The following ABAT variants were observed in gnomAD, a reference collection of about 807,000 sequenced individuals.
ABAT encodes 4-aminobutyrate aminotransferase, mitochondrial.
In ABAT, 45 loss-of-function variants were observed where a neutral mutation model predicts 64.6. That is an observed-to-expected ratio of 0.70 (90% CI 0.55 to 0.89). The LOEUF (loss-of-function observed/expected upper bound fraction) is 0.89. Among genes scored for constraint, ABAT ranks in the 40% least tolerant of loss-of-function variants. The probability of loss-of-function intolerance (pLI) is 0.00; values close to 1 mark genes in which losing one functional copy is unlikely to be tolerated. For missense variants in ABAT, 633 were observed against 658.4 expected (o/e 0.96, Z 0.42); for synonymous variants, 297 against 250.5 (o/e 1.19, Z -1.75).
chr16:8,757,169 T>TTTTATTTA (rs34346487), intron 5 of ABAT: 124 of 452,306 alleles, frequency 2.7e-4, no homozygotes, highest in Non-Finnish European at 4.6e-4. Flanking sequence ...TTATCTCCCT[T>TTTTATTTA]TTTATTTATT....
At chr16:8,777,867 C>T (rs2060312191) in intron 14 of ABAT, among the ~76,000 whole-genome samples, 1 of 150,050 alleles carries the variant, frequency 6.7e-6, no homozygotes, top group South Asian at 2.1e-4. Flanking sequence ...AACCCCAGTA[C>T]TTAGGGAGGC....
At chr16:8,748,245 CTT>C in intron 4 of ABAT, 108 bp downstream of exon 4, 1 of 1,076,874 alleles carries the variant, frequency 9.3e-7, no homozygotes. Context: ...ATGTAGTTGA[CTT>C]TTGTTCTAAA....
chr16:8,724,219 G>C (rs1315360979), intron 1 of ABAT, among the ~76,000 whole-genome samples: 1 of 151,940 alleles, frequency 6.6e-6, no homozygotes, highest in African/African-American at 2.4e-5. Flanking sequence ...CTATTATGGT[G>C]CACATAACAG....
chr16:8,771,667 C>T (rs1250273440), intron 11 of ABAT, among the ~76,000 whole-genome samples: 1 of 151,786 alleles, frequency 6.6e-6, no homozygotes, highest in Non-Finnish European at 1.5e-5. Flanking sequence ...TGGGGTTTCA[C>T]CATGGTAGCC....
chr16:8,771,992 T>G (rs1205276197), intron 11 of ABAT, among the ~76,000 whole-genome samples: 1 of 152,074 alleles, frequency 6.6e-6, no homozygotes, highest in Non-Finnish European at 1.5e-5. Context: ...CTCAAACTCC[T>G]GGCCTCAAGG....
At chr16:8,706,281 A>C (rs2057940453) in intron 1 of ABAT, among the ~76,000 whole-genome samples, 1 of 151,066 alleles carries the variant, frequency 6.6e-6, no homozygotes, top group Non-Finnish European at 1.5e-5. Context: ...ATGGTGGCAC[A>C]CACCAGTAGT....
chr16:8,701,836 G>A (rs1454527277), intron 1 of ABAT, among the ~76,000 whole-genome samples: 2 of 151,972 alleles, frequency 1.3e-5, no homozygotes, highest in African/African-American at 4.8e-5. Context: ...GAGATTTTTG[G>A]GGAGTGGAAT....
chr16:8,771,165 C>A (rs923201205), intron 11 of ABAT, among the ~76,000 whole-genome samples: 1 of 151,932 alleles, frequency 6.6e-6, no homozygotes, highest in Non-Finnish European at 1.5e-5. Context: ...CATGGTGGTG[C>A]ATGCCTGTAA....
intron 6 of ABAT, among the ~76,000 whole-genome samples, chr16:8,758,174 G>A (rs947737204): frequency 6.6e-6 from 1 of 152,242 alleles, no homozygotes. Flanking sequence ...TGACAAGTCT[G>A]TGAAGCAGGT....
At chr16:8,747,987 T>G in intron 3 of ABAT, 121 bp from the exon 4 acceptor site, 3 of 893,550 alleles carry the variant, frequency 3.4e-6, no homozygotes, top group Non-Finnish European at 5.4e-6. Flanking sequence ...GGTTGACTAA[T>G]AAAATATTTA....
chr16:8,762,618 C>T lies in ABAT; in HGVS notation c.367-1451C>T, dbSNP rs757505299. Among the ~76,000 whole-genome samples the T allele has an allele frequency of 1.2e-4, 18 of 152,352 alleles. No individual in the cohort carries two copies. In the East Asian group the frequency reaches 1.3e-3, roughly 11 times the overall value. ...CAGATATCTTCTGTTCTTAATGTCA[C>T]GCTTTCTCGAGCAAGAACATCACCC... On this transcript the variant is annotated intron_variant, in intron 6 of 15. Coordinates refer to ENST00000268251, the MANE Select transcript of ABAT (RefSeq NM_020686.6).
intron 5 of ABAT, among the ~76,000 whole-genome samples, chr16:8,751,168 A>G (rs929090110): frequency 1.1e-4 from 16 of 151,964 alleles, no homozygotes; most frequent in Admixed American, 3.3e-4. Flanking sequence ...AGGGTAGTCT[A>G]GAACTCCTGA....
At chr16:8,681,134 C>G (rs1473674632) in intron 1 of ABAT, among the ~76,000 whole-genome samples, 1 of 151,934 alleles carries the variant, frequency 6.6e-6, no homozygotes, top group Non-Finnish European at 1.5e-5. Flanking sequence ...GGTGCCACCA[C>G]ACCTGGCTAA....
At chr16:8,756,798 A>T (rs1235854910) in intron 5 of ABAT, among the ~76,000 whole-genome samples, 2 of 152,232 alleles carry the variant, frequency 1.3e-5, no homozygotes, top group Non-Finnish European at 2.9e-5. Context: ...TTGAGATATG[A>T]GAGTGTCACA....
intron 1 of ABAT, chr16:8,715,083 A>G (rs1362044457): frequency 2.0e-5 from 3 of 152,252 alleles, no homozygotes; most frequent in African/African-American, 7.2e-5. Context: ...ACCCTCTGAC[A>G]TCACATGTCC....
intron 5 of ABAT, 44 bp from the exon 6 acceptor site, chr16:8,757,713 C>G (rs760614078): frequency 6.3e-7 from 1 of 1,598,684 alleles, no homozygotes; most frequent in East Asian, 2.2e-5. Context: ...CATGGGGAAC[C>G]CTTGGATGCA....
At chr16:8,775,282 C>G (rs116124755) in intron 13 of ABAT, among the ~76,000 whole-genome samples, 1 of 104,588 alleles carries the variant, frequency 9.6e-6, no homozygotes, top group Admixed American at 1.1e-4. Context: ...CCTGTTTTCT[C>G]TCTGTGTGCA....
At chr16:8,769,747 C>T (rs548023257) in intron 11 of ABAT, among the ~76,000 whole-genome samples, 3 of 152,166 alleles carry the variant, frequency 2.0e-5, no homozygotes, top group Middle Eastern at 3.2e-3. Context: ...CCCTACCCCC[C>T]GTTTCCACGT....
At chr16:8,779,102 T>C (rs1351520091) in intron 14 of ABAT, among the ~76,000 whole-genome samples, 1 of 152,216 alleles carries the variant, frequency 6.6e-6, no homozygotes, top group Non-Finnish European at 1.5e-5. Flanking sequence ...GGACTTAACA[T>C]GTGAACCTTA....
Sources: gnomAD v4.1 joint callset for allele counts (sites outside exome capture counted in the v4.1 genomes callset) on GRCh38, gnomAD v4.1.1 for gene constraint, MANE v1.5 for transcripts, NCBI Gene and HGNC (gene_info 2026-07-23, HGNC 2026-07-21) for gene names.